Variants in IFT140 observed in about 807,000 individuals in gnomAD.
The protein encoded by IFT140 is intraflagellar transport protein 140 homolog.
A neutral mutation model predicts 164.6 loss-of-function variants in IFT140; 133 were observed. That is an observed-to-expected ratio of 0.81 (90% CI 0.70 to 0.93). IFT140 has a LOEUF of 0.93. Among genes scored for constraint, IFT140 ranks in the 40% least tolerant of loss-of-function variants. IFT140 has a pLI of 0.00. For missense variants in IFT140, 2,045 were observed against 1,972.3 expected (o/e 1.04, Z -0.70); for synonymous variants, 860 against 817.3 (o/e 1.05, Z -0.89).
In IFT140 at chr16:1,551,545, C is replaced by T. The variant is rs1041717915; in HGVS notation, c.2399+6390G>A. Among the ~76,000 whole-genome samples, 5 of 152,144 alleles carry T rather than the reference C, an allele frequency of 3.3e-5. No individual in the cohort carries two copies. The highest frequency in any genetic ancestry group is 1.2e-4 in the African/African-American group (5 of 41,410). The stretch of plus-strand genomic sequence containing the variant: ...GGGGAGACAGGATGTGAGTTTCATA[C>T]AGATCAGGGTGCAGCGGTGGAGGGA... On this transcript the variant is annotated intron_variant, in intron 19 of 30. Coordinates refer to ENST00000426508, the MANE Select transcript of IFT140 (RefSeq NM_014714.4). This position sits in a 1 kb window ranked among gnomAD's most constrained non-coding sequence, Gnocchi z 4.0.
At chr16:1,592,700 G>T (rs956746231) in intron 4 of IFT140, 112 bp from the exon 5 acceptor site, 6 of 1,467,210 alleles carry the variant, frequency 4.1e-6, no homozygotes, top group African/African-American at 2.9e-5. Context: ...CCGGCAGAGC[G>T]ACTGGTGGAG....
At chr16:1,554,130 G>A (rs2032898699) in intron 19 of IFT140, 5 of 1,286,960 alleles carry the variant, frequency 3.9e-6, no homozygotes, top group African/African-American at 1.5e-5. Flanking sequence ...AGTGAGGGAA[G>A]ACACCAGATA....
intron 30 of IFT140, among the ~76,000 whole-genome samples, chr16:1,513,621 G>C (rs893200747): frequency 6.6e-6 from 1 of 152,110 alleles, no homozygotes; most frequent in African/African-American, 2.4e-5. Context: ...TGAGCAGGCT[G>C]ATGCTGGGAG....
At chr16:1,579,283 G>A (rs893393479) in intron 13 of IFT140, 6 of 152,164 alleles carry the variant, frequency 3.9e-5, no homozygotes, top group African/African-American at 1.4e-4. Context: ...AGGCAGAGGA[G>A]GTTGCTGATC....
chr16:1,525,783 C>T, intron 21 of IFT140, 104 bp downstream of exon 21: 1 of 1,183,222 alleles, frequency 8.5e-7, no homozygotes, highest in Non-Finnish European at 1.1e-6. Flanking sequence ...ACAGACGCCT[C>T]CTCTAAGAAC....
chr16:1,609,165 G>A (rs2036221472), intron 2 of IFT140, among the ~76,000 whole-genome samples: 1 of 151,992 alleles, frequency 6.6e-6, no homozygotes, highest in Admixed American at 6.6e-5. Flanking sequence ...AAAAAAAGGG[G>A]GTTTTAACAT....
At chr16:1,579,777 C>T (rs1417972824) in intron 13 of IFT140, among the ~76,000 whole-genome samples, 1 of 152,052 alleles carries the variant, frequency 6.6e-6, no homozygotes, top group African/African-American at 2.4e-5. Context: ...TCAGCCTGGC[C>T]AACATGGTGA....
chr16:1,578,558 C>T (rs141138723), intron 13 of IFT140, among the ~76,000 whole-genome samples: 12 of 146,248 alleles, frequency 8.2e-5, no homozygotes, highest in Non-Finnish European at 1.6e-4. Context: ...GCCTGGGTGA[C>T]ATAGTGAGAT....
chr16:1,536,400 C>A (rs1475226986), intron 19 of IFT140, among the ~76,000 whole-genome samples: 1 of 152,216 alleles, frequency 6.6e-6, no homozygotes, highest in African/African-American at 2.4e-5. Flanking sequence ...TGCTCACCTG[C>A]CTGCGTCCAC....
intron 19 of IFT140, among the ~76,000 whole-genome samples, chr16:1,530,392 A>C (rs2030338992): frequency 1.3e-5 from 2 of 151,814 alleles, no homozygotes; most frequent in African/African-American, 2.4e-5. Context: ...CGGTCTCCCA[A>C]AGTGCTTGGA....
Position 1,526,078 on chromosome 16 carries a change from C to T in IFT140, c.2578-1G>A, listed in dbSNP as rs2040685696. Reference sequence around the variant, plus strand: ...TCCTGTACAGCTGCTCGGCGTCCTCCTGAGGAATGAGGATGGGCAGGTGTC... The same window carrying T: ...TCCTGTACAGCTGCTCGGCGTCCTCTTGAGGAATGAGGATGGGCAGGTGTC... On this transcript the variant is annotated splice_acceptor_variant, in intron 20 of 30. Transcript: ENST00000426508. LOFTEE classifies it high-confidence loss of function. The T allele has an allele frequency of 4.4e-6, 7 of 1,580,068 alleles. No individual in the cohort carries two copies. Among genetic ancestry groups the T allele is most frequent in the African/African-American group, 1.3e-5 (1 of 74,256 alleles).
At chr16:1,581,914 A>AG (rs1207228308) in intron 12 of IFT140, among the ~76,000 whole-genome samples, 1 of 151,988 alleles carries the variant, frequency 6.6e-6, no homozygotes, top group Non-Finnish European at 1.5e-5. Context: ...GTGTTAGCAG[A>AG]GAAAAAAAAA....
rs530846982 is a variant in IFT140 at position 1,562,206 on chromosome 16, G to A, written c.2068-90C>T. ...AGTGCCATTTTGCTACACACACTGC[G>A]TCACGGTGGGGTCGTTGCTACACAC... On this transcript the variant is annotated intron_variant, in intron 17 of 30. Coordinates refer to ENST00000426508, the MANE Select transcript of IFT140 (RefSeq NM_014714.4). 4.3e-5 allele frequency: 51 copies of A among 1,175,432 alleles called. No individual in the cohort carries two copies. The African/African-American group carries it at 5.8e-4, about 13-fold the overall frequency. The allele number at this position is 1,175,432 out of a possible 1,614,324, so 72.8% of individuals were successfully genotyped here.
chr16:1,595,281 T>A (rs566510824), intron 4 of IFT140, among the ~76,000 whole-genome samples: 1 of 150,738 alleles, frequency 6.6e-6, no homozygotes, highest in African/African-American at 2.4e-5. Flanking sequence ...TGAGACTTCG[T>A]CTCAAATAAA....
intron 4 of IFT140, 35 bp from the exon 5 acceptor site, chr16:1,592,623 G>A: frequency 6.3e-7 from 1 of 1,589,294 alleles, no homozygotes; most frequent in Non-Finnish European, 8.6e-7. Flanking sequence ...TAGGACAGGT[G>A]TCCCGGCAGA....
intron 19 of IFT140, among the ~76,000 whole-genome samples, chr16:1,537,636 C>T (rs1237867263): frequency 6.6e-6 from 1 of 152,228 alleles, no homozygotes; most frequent in East Asian, 1.9e-4. Context: ...CTGAGGTCCA[C>T]CTCACATGCC....
intron 2 of IFT140, among the ~76,000 whole-genome samples, chr16:1,609,279 T>C (rs2036226768): frequency 6.6e-6 from 1 of 152,226 alleles, no homozygotes. Flanking sequence ...GATACATTAA[T>C]ACGACACTGT....
At chr16:1,582,021 G>T (rs1358523914) in intron 12 of IFT140, among the ~76,000 whole-genome samples, 1 of 152,132 alleles carries the variant, frequency 6.6e-6, no homozygotes, top group African/African-American at 2.4e-5. Context: ...GCCCTGGGAA[G>T]AGCATGACAC....
chr16:1,552,202 T>C (rs2032704380), intron 19 of IFT140, among the ~76,000 whole-genome samples: 1 of 151,620 alleles, frequency 6.6e-6, no homozygotes, highest in Non-Finnish European at 1.5e-5. Context: ...GCTGTGGCCA[T>C]GGCGGGCTGG....
Sources: gnomAD v4.1 joint callset for allele counts (sites outside exome capture counted in the v4.1 genomes callset) on GRCh38, gnomAD v4.1.1 for gene constraint, Gnocchi (gnomAD v3.1) non-coding constraint, MANE v1.5 for transcripts, NCBI Gene and HGNC (gene_info 2026-07-23, HGNC 2026-07-21) for gene names.